The following FAM228B variants were observed in gnomAD, a reference collection of about 807,000 sequenced individuals.
The protein encoded by FAM228B is protein FAM228B.
In FAM228B, 38 loss-of-function variants were observed where a neutral mutation model predicts 42.6. The observed-to-expected ratio is 0.89, with a 90% confidence interval of 0.69 to 1.17. The LOEUF (loss-of-function observed/expected upper bound fraction) is 1.17. Among genes scored for constraint, FAM228B ranks in the 50% most tolerant of loss-of-function variants. The pLI is 0.00. For missense variants in FAM228B, 344 were observed against 367.3 expected (o/e 0.94, Z 0.52); for synonymous variants, 109 against 122.3 (o/e 0.89, Z 0.72).
Position 24,135,197 on chromosome 2 carries a change from G to T in FAM228B, c.168+10G>T. ...AAATTCTGTAATTAAGGTAAGAATT[G>T]GCTACAAAATGCATCTCAGTTAAAA... On this transcript the variant is annotated intron_variant, in intron 3 of 10. Coordinates refer to ENST00000615575, the MANE Select transcript of FAM228B (RefSeq NM_001145710.2). 1 of 1,423,890 alleles carries T rather than the reference G, an allele frequency of 7.0e-7. No individual in the cohort carries two copies. Among genetic ancestry groups the T allele is most frequent in the African/African-American group, 1.4e-5 (1 of 69,300 alleles). The allele number at this position is 1,423,890 out of a possible 1,614,324, so 88.2% of individuals were successfully genotyped here. A position where few individuals can be genotyped will look rare whatever the true frequency, so the allele number is the denominator to read the frequency against.
chr2:24,104,677 T>C (rs973283941), intron 3 of FAM228B, among the ~76,000 whole-genome samples: 16 of 152,216 alleles, frequency 1.1e-4, no homozygotes, highest in Admixed American at 2.6e-4. Context: ...ACCCTGCCAC[T>C]GGTAGCCAGT....
At chr2:24,083,698 A>G (rs1237677056) in intron 2 of FAM228B, among the ~76,000 whole-genome samples, 1 of 152,156 alleles carries the variant, frequency 6.6e-6, no homozygotes, top group Non-Finnish European at 1.5e-5. Flanking sequence ...TCAGCATCAG[A>G]CAGAAGAAAA....
intron 8 of FAM228B, among the ~76,000 whole-genome samples, chr2:24,163,977 T>C (rs1216733437): frequency 1.3e-5 from 2 of 152,200 alleles, no homozygotes; most frequent in African/African-American, 4.8e-5. Context: ...CAAAGCTGTT[T>C]GATTAAGCAG....
At chr2:24,112,488 G>C (rs1034612279) in intron 3 of FAM228B, among the ~76,000 whole-genome samples, 2 of 151,980 alleles carry the variant, frequency 1.3e-5, no homozygotes, top group Non-Finnish European at 2.9e-5. Flanking sequence ...TTTTAGTAGA[G>C]ATGGGGTTTT....
chr2:24,104,314 G>A (rs941197789), intron 3 of FAM228B, among the ~76,000 whole-genome samples: 1 of 152,176 alleles, frequency 6.6e-6, no homozygotes, highest in Non-Finnish European at 1.5e-5. Flanking sequence ...CCACTCAGAC[G>A]TATTATAGGG....
Position 24,145,922 on chromosome 2 carries a change from C to T in FAM228B, c.442-826C>T, listed in dbSNP as rs1467559403. Among the ~76,000 whole-genome samples, 3 of 152,276 alleles carry T rather than the reference C, an allele frequency of 2.0e-5. No homozygotes were observed. The East Asian group carries it at 5.8e-4, about 29-fold the overall frequency. The stretch of plus-strand genomic sequence containing the variant: ...GCCAGGATGGTCTCAATCTCCTGAC[C>T]TTGTCATCCGCCTGCCTCGGCCTCC... On this transcript the variant is annotated intron_variant, in intron 5 of 10. Transcript: ENST00000615575.
chr2:24,077,508 A>G lies in FAM228B; in HGVS notation c.-290+539A>G. The G allele has an allele frequency of 6.7e-7, 1 of 1,497,784 alleles. No individual in the cohort carries two copies. The highest frequency in any genetic ancestry group is 9.0e-7 in the Non-Finnish European group (1 of 1,116,586). 92.8% of individuals were successfully genotyped at this position (1,497,784 alleles called of 1,614,324 possible). A position where few individuals can be genotyped will look rare whatever the true frequency, so the allele number is the denominator to read the frequency against. ...AAGCACCGGGTTTCTTGGCCTGTCT[A>G]TTGTGAATCTTCTCCAGGTTTGCTC... is the stretch of plus-strand genomic sequence containing the variant. On this transcript the variant is annotated intron_variant, in intron 1 of 10. Transcript: ENST00000613899. This position sits in a 1 kb window ranked among gnomAD's most constrained non-coding sequence, Gnocchi z 5.5.
intron 2 of FAM228B, among the ~76,000 whole-genome samples, chr2:24,133,844 T>G (rs1406894119): frequency 6.6e-6 from 1 of 152,130 alleles, no homozygotes; most frequent in African/African-American, 2.4e-5. Flanking sequence ...CTCAGGAGTT[T>G]GAGGGTACAG....
At chr2:24,140,684 G>A (rs565045278) in intron 5 of FAM228B, among the ~76,000 whole-genome samples, 1 of 151,990 alleles carries the variant, frequency 6.6e-6, no homozygotes, top group Non-Finnish European at 1.5e-5. Flanking sequence ...TATGGCAGCC[G>A]GGCGCAGTGG....
At chr2:24,131,003 C>A (rs1311208077) in intron 2 of FAM228B, among the ~76,000 whole-genome samples, 1 of 152,116 alleles carries the variant, frequency 6.6e-6, no homozygotes, top group Non-Finnish European at 1.5e-5. Flanking sequence ...TTTCAGTTTT[C>A]TGCATATGGC....
At chr2:24,106,484 T>C (rs1665701738) in intron 3 of FAM228B, among the ~76,000 whole-genome samples, 1 of 151,916 alleles carries the variant, frequency 6.6e-6, no homozygotes, top group African/African-American at 2.4e-5. Context: ...TATGACCAGC[T>C]AATTTTTGTA....
intron 2 of FAM228B, among the ~76,000 whole-genome samples, chr2:24,090,869 C>A (rs1008532582): frequency 6.6e-6 from 1 of 152,184 alleles, no homozygotes; most frequent in Non-Finnish European, 1.5e-5. Context: ...CAGCTCACTG[C>A]AGCCTTGATA....
At chr2:24,121,266 C>T (rs764889045), upstream of FAM228B, 1 of 1,614,162 alleles carries the variant, frequency 6.2e-7, no homozygotes, top group Admixed American at 1.7e-5. Flanking sequence ...CTTGGCAAAT[C>T]CATTCACCAG....
At position 24,105,968 on chromosome 2, in the gene FAM228B, A is replaced by G. The variant is rs1665690770; in HGVS notation, c.-121+10739A>G. Among the ~76,000 whole-genome samples, 3 of 152,230 alleles carry G rather than the reference A, an allele frequency of 2.0e-5. No homozygotes were observed. The South Asian group carries it at 6.2e-4, about 32-fold the overall frequency. On this transcript the variant is annotated intron_variant, in intron 3 of 10. Transcript: ENST00000613899. ...ACCTCAGAGAAATATGGGATTATGT[A>G]ATGAGATCAAATCTATGACTCATGG...
At chr2:24,092,209 ACT>A (rs1460348318) in intron 2 of FAM228B, among the ~76,000 whole-genome samples, 1 of 123,820 alleles carries the variant, frequency 8.1e-6, no homozygotes, top group Admixed American at 9.7e-5. Context: ...ACAGAGTAAG[ACT>A]CTGTCTCAAA....
intron 2 of FAM228B, among the ~76,000 whole-genome samples, chr2:24,094,940 A>C (rs1370777910): frequency 6.6e-6 from 1 of 152,204 alleles, no homozygotes; most frequent in Middle Eastern, 3.4e-3. Context: ...TAAAAATACC[A>C]AAAAAATTAG....
intron 2 of FAM228B, among the ~76,000 whole-genome samples, chr2:24,127,971 A>G (rs1666358023): frequency 6.6e-6 from 1 of 151,566 alleles, no homozygotes; most frequent in South Asian, 2.1e-4. Context: ...CCTATTTCTT[A>G]AATTATTTTT....
chr2:24,077,615 C>T lies in FAM228B; in HGVS notation c.-290+646C>T. The T allele has an allele frequency of 6.3e-7, 1 of 1,595,930 alleles. No individual in the cohort carries two copies. Among genetic ancestry groups the T allele is most frequent in the Non-Finnish European group, 8.5e-7 (1 of 1,170,130 alleles). On this transcript the variant is annotated intron_variant, in intron 1 of 10. Coordinates refer to the FAM228B transcript ENST00000613899. This position sits in a 1 kb window ranked among gnomAD's most constrained non-coding sequence, Gnocchi z 5.5. ...GTTCCAGGACGATCTTGCCTATGTT[C>T]TTGTTGGCCTCCATGTACTTATGGG...
intron 3 of FAM228B, among the ~76,000 whole-genome samples, chr2:24,100,859 AAC>A (rs1665592706): frequency 6.6e-6 from 1 of 152,248 alleles, no homozygotes; most frequent in East Asian, 1.9e-4. Flanking sequence ...ACTTGGAACC[AAC>A]CCAAATGTCC....
Sources: allele counts gnomAD v4.1 joint callset (sites outside exome capture counted in the v4.1 genomes callset), GRCh38; gene constraint gnomAD v4.1.1; non-coding constraint Gnocchi (gnomAD v3.1); transcripts MANE v1.5; gene names NCBI Gene and HGNC (gene_info 2026-07-23, HGNC 2026-07-21).